Variants in BRF1 observed in about 807,000 individuals in gnomAD.
BRF1 encodes BRF1 general transcription factor IIIB subunit.
BRF1 carries 59 observed loss-of-function variants against 81.7 expected under a neutral mutation model. That is an observed-to-expected ratio of 0.72 (90% CI 0.59 to 0.90). BRF1 has a LOEUF of 0.90. Among genes scored for constraint, BRF1 ranks in the 40% least tolerant of loss-of-function variants. The probability of loss-of-function intolerance (pLI) is 0.00; values close to 1 mark genes in which losing one functional copy is unlikely to be tolerated. For missense variants in BRF1, 1,050 were observed against 936.3 expected (o/e 1.12, Z -1.58); for synonymous variants, 491 against 395.6 (o/e 1.24, Z -2.86).
chr14:105,216,181 A>G (rs1312316416), intron 15 of BRF1, among the ~76,000 whole-genome samples: 1 of 152,192 alleles, frequency 6.6e-6, no homozygotes, highest in Non-Finnish European at 1.5e-5. Context: ...AGAGACACAC[A>G]TGCACACCCG....
intron 10 of BRF1, 96 bp downstream of exon 10, chr14:105,225,973 C>T (rs1329116438): frequency 8.8e-6 from 11 of 1,253,690 alleles, no homozygotes; most frequent in Admixed American, 8.7e-5. Context: ...AGATAATCCC[C>T]TTCCCTTTCC....
chr14:105,264,737 A>G (rs1326589011), intron 3 of BRF1, among the ~76,000 whole-genome samples: 1 of 150,056 alleles, frequency 6.7e-6, no homozygotes, highest in Non-Finnish European at 1.5e-5. Context: ...ACTACTATGG[A>G]GGCTGAGGTG....
In BRF1 at chr14:105,219,121, T is replaced by C. The variant is rs587668358; in HGVS notation, c.1459+30A>G. The C allele has an allele frequency of 1.1e-5, 17 of 1,613,090 alleles. No homozygotes were observed. The East Asian group carries it at 3.1e-4, about 30-fold the overall frequency. On this transcript the variant is annotated intron_variant, in intron 13 of 17. Transcript: ENST00000547530. Reference sequence around the variant, plus strand: ...CCCCAGGCCTGGGGACTGTGCGTCCTGCGTGTGAGTGTGGGCGGGTGGCGC... The same window carrying C: ...CCCCAGGCCTGGGGACTGTGCGTCCCGCGTGTGAGTGTGGGCGGGTGGCGC...
At chr14:105,249,579 G>C (rs587715737) in intron 5 of BRF1, 1 of 1,586,690 alleles carries the variant, frequency 6.3e-7, no homozygotes, top group East Asian at 2.2e-5. Flanking sequence ...TCCTCTCCCA[G>C]GCCCAGCCCC....
chr14:105,217,337 C>T (rs765200608), intron 15 of BRF1: 20 of 768,932 alleles, frequency 2.6e-5, no homozygotes, highest in Admixed American at 2.1e-4. Context: ...CCCGCCCGTC[C>T]GCTCACAGCC....
chr14:105,245,825 G>A (rs1246579758), intron 5 of BRF1, among the ~76,000 whole-genome samples: 3 of 152,130 alleles, frequency 2.0e-5, no homozygotes, highest in Non-Finnish European at 2.9e-5. Flanking sequence ...ACCCTTAGAA[G>A]AAAACAAAGG....
chr14:105,268,895 G>C (rs2056542573), intron 3 of BRF1, among the ~76,000 whole-genome samples: 1 of 152,328 alleles, frequency 6.6e-6, no homozygotes, highest in East Asian at 1.9e-4. Flanking sequence ...TCGGAGAAGA[G>C]AGCCTGGCTG....
chr14:105,295,984 G>A (rs1004981881), intron 1 of BRF1, among the ~76,000 whole-genome samples: 3 of 151,064 alleles, frequency 2.0e-5, no homozygotes, highest in African/African-American at 7.3e-5. Context: ...AGGAGGCTGA[G>A]GCAGGAGAAT....
chr14:105,247,855 C>T (rs587766682), intron 5 of BRF1: 59 of 985,684 alleles, frequency 6.0e-5, no homozygotes, highest in Non-Finnish European at 6.9e-5. Flanking sequence ...AGTCTGGTCT[C>T]CTCATCAGCA....
At chr14:105,222,039 G>A (rs1892360486) in intron 10 of BRF1, 125 bp from the exon 11 acceptor site, 5 of 1,264,354 alleles carry the variant, frequency 4.0e-6, no homozygotes, top group Non-Finnish European at 5.3e-6. Flanking sequence ...GGTGCCTGGC[G>A]GTCAGGTGCC....
chr14:105,281,611 G>C (rs1391475019), intron 2 of BRF1, among the ~76,000 whole-genome samples: 1 of 152,186 alleles, frequency 6.6e-6, no homozygotes, highest in East Asian at 1.9e-4. Context: ...GCTGACTGCA[G>C]CTCGTGCACC....
At position 105,297,543 on chromosome 14, in the gene BRF1, G is replaced by A. The variant is rs181698964; in HGVS notation, c.184+2903C>T. On this transcript the variant is annotated intron_variant, in intron 1 of 17. Coordinates refer to ENST00000547530, the MANE Select transcript of BRF1 (RefSeq NM_001519.4). ...TCAGATCGCGCCACTGCACTTCAGC[G>A]TGGGTGACAGGGTGAGACTCTGTCT... Among the ~76,000 whole-genome samples the A allele has an allele frequency of 3.0e-3, 458 of 151,848 alleles. 1 individual carries two copies. Among genetic ancestry groups the A allele is most frequent in the African/African-American group, 0.01 (427 of 41,388 alleles).
intron 10 of BRF1, among the ~76,000 whole-genome samples, chr14:105,222,875 A>G (rs587631277): frequency 7.4e-4 from 112 of 152,142 alleles, no homozygotes; most frequent in Middle Eastern, 3.4e-3. Context: ...TGATCTGCCC[A>G]CCTCAGCCTC....
At chr14:105,288,851 G>T (rs1208032809) in intron 1 of BRF1, among the ~76,000 whole-genome samples, 9 of 151,480 alleles carry the variant, frequency 5.9e-5, no homozygotes, top group African/African-American at 1.9e-4. Flanking sequence ...GCCAGGATGG[G>T]GGGAGACCCA....
At chr14:105,294,804 G>A (rs72711562) in intron 1 of BRF1, among the ~76,000 whole-genome samples, 4,886 of 152,254 alleles carry the variant, frequency 0.032, 138 homozygotes, top group African/African-American at 0.074. Flanking sequence ...GGAATGCTTC[G>A]AACAACTCTC....
intron 1 of BRF1, among the ~76,000 whole-genome samples, chr14:105,306,130 C>A (rs1290192081): frequency 6.6e-6 from 1 of 152,168 alleles, no homozygotes; most frequent in Non-Finnish European, 1.5e-5. Flanking sequence ...CTGAACTGAA[C>A]GTGCTCGTAA....
At chr14:105,227,014 T>A in intron 7 of BRF1, 1 of 448,096 alleles carries the variant, frequency 2.2e-6, no homozygotes, top group Non-Finnish European at 3.9e-6. Context: ...CTTGGGAGGC[T>A]GAGGTCAGGG....
rs762856606 is a variant in BRF1, at chr14:105,221,907, G to A, written c.1056C>T (p.Thr352=). ...CACACAAGCTGGACGCGGTGTCCTC[G>A]GTGGAGCCTAGGTGTACACAATCCA... ...GLASLAKDGS[T]EDTASSLCGE... The change falls in exon 11 of 18, where the codon ACC becomes ACT. Residue 352 remains threonine (T), a synonymous_variant. Transcript: ENST00000547530. The A allele has an allele frequency of 5.3e-5, 85 of 1,590,766 alleles. 1 individual carries two copies. The highest frequency in any genetic ancestry group is 6.2e-5 in the Non-Finnish European group (73 of 1,169,296).
rs141397123 is a variant in BRF1, at chr14:105,223,693, G to A, written c.1049-1779C>T. Among the ~76,000 whole-genome samples the A allele has an allele frequency of 9.3e-3, 1,414 of 152,350 alleles. 9 individuals carry two copies. Among genetic ancestry groups the A allele is most frequent in the Admixed American group, 0.017 (265 of 15,302 alleles). On this transcript the variant is annotated intron_variant, in intron 10 of 17. Transcript: ENST00000547530. ...TGGACCCCGTGGGAGCCACAGATCTGTGGGTCTTCTTGGTTGTCACTATGG... is the reference window on the plus strand; with the variant it reads ...TGGACCCCGTGGGAGCCACAGATCTATGGGTCTTCTTGGTTGTCACTATGG...
Sources: allele counts gnomAD v4.1 joint callset (sites outside exome capture counted in the v4.1 genomes callset), GRCh38; gene constraint gnomAD v4.1.1; transcripts MANE v1.5; gene names NCBI Gene and HGNC (gene_info 2026-07-23, HGNC 2026-07-21).